The following ZFHX3 variants were observed in gnomAD, a reference collection of about 807,000 sequenced individuals.
ZFHX3 encodes zinc finger homeobox 3, also known as zinc finger homeobox protein 3.
Under a neutral mutation model 279.1 loss-of-function variants are expected in ZFHX3, and 42 were observed. The observed-to-expected ratio is 0.15, with a 90% CI of 0.12 to 0.19. ZFHX3 has a LOEUF of 0.19. Ranked by LOEUF, ZFHX3 falls within the 10% of genes least tolerant of loss-of-function variation. The pLI is 1.00. For synonymous variants in ZFHX3, 2,293 were observed against 1,957.8 expected (o/e 1.17, Z -4.52); for missense variants, 4,981 against 4,754.0 (o/e 1.05, Z -1.40).
chr16:73,359,859 A>T (rs1403909540), intron 3 of ZFHX3, among the ~76,000 whole-genome samples: 1 of 152,196 alleles, frequency 6.6e-6, no homozygotes, highest in Non-Finnish European at 1.5e-5. Flanking sequence ...TTAAAGATTC[A>T]GTGTGGATGG....
At position 72,795,931 on chromosome 16, in the gene ZFHX3, C is replaced by A. The variant is rs1047414022; in HGVS notation, c.6751G>T (p.Asp2251Tyr). The part of the protein sequence containing the change: ...SKRSSRTRFT[D>Y]YQLRVLQDFF... ...TCCTGTAAGACCCTCAGCTGGTAGT[C>A]CGTAAACCTTGTTCTTGAAGACCTC... is the stretch of plus-strand genomic sequence containing the variant. Residue 2251 changes from aspartate to tyrosine, a missense_variant, in exon 9 of 10, where the codon GAC (aspartate) becomes TAC (tyrosine). Around this residue, in one of 7 missense-constraint regions of ZFHX3, gnomAD observed 177 missense variants for 244.2 expected, o/e 0.72. Transcript: ENST00000268489. 2 of 1,614,152 alleles carry A rather than the reference C, an allele frequency of 1.2e-6. No homozygotes were observed. Among genetic ancestry groups the A allele is most frequent in the African/African-American group, 2.7e-5 (2 of 75,022 alleles).
intron 5 of ZFHX3, among the ~76,000 whole-genome samples, chr16:73,156,720 TA>T (rs1597189791): frequency 8.2e-6 from 1 of 122,180 alleles, no homozygotes; most frequent in South Asian, 2.6e-4. Flanking sequence ...CATGTCTGGC[TA>T]ATTTTTTTTT....
In ZFHX3 at chr16:72,787,045, T is replaced by TC; in HGVS notation, c.*118_*119insG. 9.9e-7 allele frequency: 1 copy of TC among 1,013,458 alleles called. No individual in the cohort carries two copies. Among genetic ancestry groups the TC allele is most frequent in the East Asian group, 3.9e-5 (1 of 25,438 alleles). 62.8% of individuals were successfully genotyped at this position (1,013,458 alleles called of 1,614,324 possible). ...CACGCTTTTTCTTTTTTTTCTTTTTTTTTTTTTTTTTGTTTTTTGGTTAGA... is the reference window on the plus strand; with the variant it reads ...CACGCTTTTTCTTTTTTTTCTTTTTTCTTTTTTTTTTTGTTTTTTGGTTAGA... On this transcript the variant is annotated 3_prime_UTR_variant, in exon 10 of 10. Transcript: ENST00000268489.
At chr16:73,697,550 C>T (rs947054730) in intron 1 of ZFHX3, among the ~76,000 whole-genome samples, 1 of 152,178 alleles carries the variant, frequency 6.6e-6, no homozygotes, top group Non-Finnish European at 1.5e-5. Flanking sequence ...ATCCCCAGGT[C>T]TCCAAGTCAT....
intron 1 of ZFHX3, among the ~76,000 whole-genome samples, chr16:73,812,191 A>C (rs1421065440): frequency 6.6e-6 from 1 of 152,080 alleles, no homozygotes; most frequent in Non-Finnish European, 1.5e-5. Context: ...TCTAGGTACG[A>C]ATTTCCCATC....
intron 2 of ZFHX3, among the ~76,000 whole-genome samples, chr16:73,632,568 C>G (rs2052485278): frequency 1.3e-5 from 2 of 151,958 alleles, no homozygotes; most frequent in Non-Finnish European, 2.9e-5. Flanking sequence ...CACCTGTAGT[C>G]CCAGCTACTC....
chr16:72,993,156 C>A (rs77522628), intron 1 of ZFHX3, among the ~76,000 whole-genome samples: 1 of 152,116 alleles, frequency 6.6e-6, no homozygotes, highest in South Asian at 2.1e-4. Flanking sequence ...ACAAAAAAAA[C>A]AAGAACTGCA....
At chr16:72,938,999 G>A (rs1408771294) in intron 3 of ZFHX3, among the ~76,000 whole-genome samples, 1 of 142,890 alleles carries the variant, frequency 7.0e-6, no homozygotes, top group East Asian at 2.0e-4. Flanking sequence ...CACACTTGCT[G>A]ACTCATGTCT....
chr16:73,000,813 A>T lies in ZFHX3; in HGVS notation c.-49-40619T>A, dbSNP rs76601242. On this transcript the variant is annotated intron_variant, in intron 1 of 9. Transcript: ENST00000268489. ...TCCTCCACGTTCGACACACTCCTGG[A>T]GTCTCTGCTGAACCCCACAAACCCC... Among the ~76,000 whole-genome samples, 912 of 152,332 alleles carry T rather than the reference A, an allele frequency of 6.0e-3. 8 individuals carry two copies. Among genetic ancestry groups the T allele is most frequent in the African/African-American group, 0.018 (732 of 41,572 alleles).
intron 7 of ZFHX3, chr16:73,127,414 G>C (rs1319726762): frequency 7.7e-7 from 1 of 1,305,448 alleles, no homozygotes; most frequent in Admixed American, 2.3e-5. Context: ...AGCCTTCCCA[G>C]GTAGTAGCTG....
intron 2 of ZFHX3, among the ~76,000 whole-genome samples, chr16:73,493,301 A>T (rs896868345): frequency 6.6e-6 from 1 of 152,182 alleles, no homozygotes; most frequent in Admixed American, 6.5e-5. Flanking sequence ...CACGCACATC[A>T]GATGAACTGA....
intron 2 of ZFHX3, chr16:73,609,225 T>A (rs2052220890): frequency 6.6e-6 from 1 of 152,202 alleles, no homozygotes; most frequent in Non-Finnish European, 1.5e-5. Context: ...TTGCTCATCA[T>A]CATCATCGCT....
chr16:72,961,215 G>A (rs961661702), intron 1 of ZFHX3, among the ~76,000 whole-genome samples: 19 of 151,938 alleles, frequency 1.3e-4, no homozygotes, highest in Admixed American at 1.0e-3. Flanking sequence ...GACGGCAGCT[G>A]GGCTCGGCGA....
intron 5 of ZFHX3, among the ~76,000 whole-genome samples, chr16:73,248,954 G>C (rs181986906): frequency 3.7e-4 from 56 of 152,220 alleles, no homozygotes; most frequent in African/African-American, 4.1e-4. Flanking sequence ...AGCGCCCAAG[G>C]CATTTTCATT....
intron 1 of ZFHX3, among the ~76,000 whole-genome samples, chr16:73,820,920 C>T (rs978775657): frequency 1.3e-5 from 2 of 151,852 alleles, no homozygotes; most frequent in African/African-American, 2.4e-5. Context: ...CATCATCACC[C>T]TATTTACTAG....
At chr16:73,848,056 G>A (rs1961497349) in intron 1 of ZFHX3, among the ~76,000 whole-genome samples, 3 of 151,866 alleles carry the variant, frequency 2.0e-5, no homozygotes, top group Admixed American at 1.3e-4. Context: ...ACCGCGCCCG[G>A]CCAATATTTA....
In ZFHX3 at chr16:73,149,010, T is replaced by C. The variant is rs925458499; in HGVS notation, c.-1103-5179A>G. Among the ~76,000 whole-genome samples, 24 of 139,142 alleles carry C rather than the reference T, an allele frequency of 1.7e-4. No homozygotes were observed. In the South Asian group the frequency reaches 3.1e-3, roughly 18 times the overall value. The allele number at this position is 139,142 out of a possible 152,430, so 91.3% of individuals were successfully genotyped here. On this transcript the variant is annotated intron_variant, in intron 5 of 17. Coordinates refer to the ZFHX3 transcript ENST00000641206. ...TTGTTGTAAGAATTAAATGAGATTA[T>C]ATATATATTTTATATATATATAAAG...
chr16:73,103,127 G>T (rs542875067), intron 7 of ZFHX3, among the ~76,000 whole-genome samples: 1 of 152,228 alleles, frequency 6.6e-6, no homozygotes, highest in South Asian at 2.1e-4. Flanking sequence ...GTTTCACCAT[G>T]TTGGCCAAGC....
intron 1 of ZFHX3, among the ~76,000 whole-genome samples, chr16:73,877,329 T>A (rs1253097241): frequency 8.5e-5 from 13 of 152,052 alleles, no homozygotes; most frequent in Non-Finnish European, 1.8e-4. Context: ...TTCATGCAAT[T>A]TTTTTTTCTT....
Sources: gnomAD v4.1 joint callset for allele counts (sites outside exome capture counted in the v4.1 genomes callset) on GRCh38, gnomAD v4.1.1 for gene constraint, gnomAD v4.1.1 regional missense constraint, MANE v1.5 for transcripts, NCBI Gene and HGNC (gene_info 2026-07-23, HGNC 2026-07-21) for gene names.